Variants in TRIM5 observed in about 807,000 individuals in gnomAD.
The protein encoded by TRIM5 is tripartite motif-containing protein 5.
TRIM5 carries 31 observed loss-of-function variants against 35.6 expected under a neutral mutation model. That is an observed-to-expected ratio of 0.87 (90% CI 0.65 to 1.18). The LOEUF is 1.18. Among genes scored for constraint, TRIM5 ranks in the 50% most tolerant of loss-of-function variants. The pLI is 0.00. For synonymous variants in TRIM5, 243 were observed against 215.6 expected, an observed-to-expected ratio of 1.13 and a Z score of -1.11; for missense variants, 609 against 591.6, an observed-to-expected ratio of 1.03 and a Z score of -0.31.
the TRIM5 span, among the ~76,000 whole-genome samples, chr11:5,646,499 A>G: frequency 6.6e-6 from 1 of 152,186 alleles, no homozygotes; most frequent in Non-Finnish European, 1.5e-5. Context: ...ACCTGCCACC[A>G]CTAGACTACT....
At chr11:5,683,683 T>C (rs1191454038) in intron 1 of TRIM5, among the ~76,000 whole-genome samples, 1 of 152,118 alleles carries the variant, frequency 6.6e-6, no homozygotes, top group African/African-American at 2.4e-5. Flanking sequence ...TCTTTGTGTC[T>C]ACACTCTGTA....
At chr11:5,610,659 T>TC in the TRIM5 span, 1 of 1,543,684 alleles carries the variant, frequency 6.5e-7, no homozygotes, top group Admixed American at 1.9e-5. Flanking sequence ...TGTTGATGCC[T>TC]CCCCCATCCC....
chr11:5,604,116 TC>T, the TRIM5 span, among the ~76,000 whole-genome samples: 9 of 152,130 alleles, frequency 5.9e-5, no homozygotes, highest in Non-Finnish European at 1.0e-4. Flanking sequence ...GTGCCTGGCC[TC>T]CCAAGTAGCT....
the TRIM5 span, among the ~76,000 whole-genome samples, chr11:5,646,154 C>T: frequency 5.9e-4 from 89 of 151,076 alleles, 1 homozygote; most frequent in Non-Finnish European, 2.8e-4. Flanking sequence ...AATACACCAA[C>T]CACCCTCATG....
intron 4 of TRIM5, among the ~76,000 whole-genome samples, chr11:5,670,705 G>A (rs1316738375): frequency 6.6e-6 from 1 of 152,146 alleles, no homozygotes; most frequent in Non-Finnish European, 1.5e-5. Flanking sequence ...ATCAGGAGAC[G>A]ACAGAAGCCT....
At position 5,668,968 on chromosome 11, in the gene TRIM5, TTC is replaced by T. The variant is rs779176854; in HGVS notation, c.745-1259_745-1258del. 6.2e-4 allele frequency among the ~76,000 whole-genome samples: 95 copies of T among 152,246 alleles called. 1 individual carries two copies. Among genetic ancestry groups the T allele is most frequent in the Admixed American group, 3.4e-3 (52 of 15,296 alleles). On this transcript the variant is annotated intron_variant, in intron 4 of 7. Coordinates refer to ENST00000380034, the MANE Select transcript of TRIM5 (RefSeq NM_033034.3). ...ATTATGTAACACCAACCATACTGTC[TTC>T]TCTCTTATACCACATTGTCCATAAT...
the TRIM5 span, among the ~76,000 whole-genome samples, chr11:5,598,647 T>C: frequency 6.6e-6 from 1 of 152,228 alleles, no homozygotes; most frequent in Admixed American, 6.5e-5. Flanking sequence ...AAATCCAATG[T>C]GTATTTTGTA....
chr11:5,673,674 A>C (rs900107477), intron 4 of TRIM5, among the ~76,000 whole-genome samples: 9 of 152,196 alleles, frequency 5.9e-5, no homozygotes, highest in Admixed American at 2.6e-4. Context: ...AATGTTCCAT[A>C]CCATAAGATA....
At chr11:5,635,254 ATTTTT>A in the TRIM5 span, among the ~76,000 whole-genome samples, 1 of 128,316 alleles carries the variant, frequency 7.8e-6, no homozygotes. Context: ...TTCCCTGTTA[ATTTTT>A]TTTTTTTTTT....
At chr11:5,601,072 G>A in the TRIM5 span, among the ~76,000 whole-genome samples, 1 of 152,046 alleles carries the variant, frequency 6.6e-6, no homozygotes, top group East Asian at 1.9e-4. Flanking sequence ...CTGCCTTACC[G>A]GCCACCTCTC....
downstream of TRIM5, among the ~76,000 whole-genome samples, chr11:5,662,780 A>G (rs1850874223): frequency 1.3e-5 from 2 of 152,228 alleles, no homozygotes; most frequent in Admixed American, 6.5e-5. Flanking sequence ...GAACTATTAC[A>G]TATTGTTAAA....
At chr11:5,649,658 G>A in the TRIM5 span, among the ~76,000 whole-genome samples, 1 of 152,160 alleles carries the variant, frequency 6.6e-6, no homozygotes, top group Non-Finnish European at 1.5e-5. Context: ...ACTGGTGAAA[G>A]CATTCTTCCT....
the TRIM5 span, among the ~76,000 whole-genome samples, chr11:5,636,936 G>A: frequency 6.6e-6 from 1 of 152,172 alleles, no homozygotes; most frequent in African/African-American, 2.4e-5. Context: ...CACGAGGTCA[G>A]GAGATCGAGA....
chr11:5,663,455 C>G lies in TRIM5; in HGVS notation c.*1354G>C. 9 of 985,274 alleles carry G rather than the reference C, an allele frequency of 9.1e-6. No homozygotes were observed. The highest frequency in any genetic ancestry group is 1.1e-5 in the Non-Finnish European group (9 of 829,838). The allele number at this position is 985,274 out of a possible 1,614,324, so 61.0% of individuals were successfully genotyped here. On this transcript the variant is annotated 3_prime_UTR_variant, in exon 8 of 8. Coordinates refer to ENST00000380034, the MANE Select transcript of TRIM5 (RefSeq NM_033034.3). ...AAAATGAGAATTTAGTAAATCCAAT[C>G]CTAGTTTCCCTGAAGGCACAACCTG...
At chr11:5,631,617 T>C in the TRIM5 span, among the ~76,000 whole-genome samples, 1 of 152,192 alleles carries the variant, frequency 6.6e-6, no homozygotes, top group Non-Finnish European at 1.5e-5. Context: ...TTTGTGTGGG[T>C]AGATGTGTTA....
At chr11:5,596,728 C>G in the TRIM5 span, 2 of 1,015,890 alleles carry the variant, frequency 2.0e-6, no homozygotes, top group East Asian at 2.6e-5. Flanking sequence ...GGATCCCCTG[C>G]CTTTCTCGGA....
chr11:5,595,064 A>G, the TRIM5 span, among the ~76,000 whole-genome samples: 1 of 152,146 alleles, frequency 6.6e-6, no homozygotes, highest in African/African-American at 2.4e-5. Context: ...ACGAGATTCC[A>G]ATGACCTTTC....
the TRIM5 span, among the ~76,000 whole-genome samples, chr11:5,651,474 C>T: frequency 6.6e-6 from 1 of 152,132 alleles, no homozygotes; most frequent in African/African-American, 2.4e-5. Flanking sequence ...GTTTTGCTTC[C>T]ACTTATAAGT....
At chr11:5,613,907 TTC>T in the TRIM5 span, among the ~76,000 whole-genome samples, 2 of 5,952 alleles carry the variant, frequency 3.4e-4, no homozygotes, top group Non-Finnish European at 6.6e-4. Context: ...TGATATTTAC[TTC>T]TTTATAAGTA....
Sources: gnomAD v4.1 joint callset for allele counts (sites outside exome capture counted in the v4.1 genomes callset) on GRCh38, gnomAD v4.1.1 for gene constraint, MANE v1.5 for transcripts, NCBI Gene and HGNC (gene_info 2026-07-23, HGNC 2026-07-21) for gene names.